The following EPHA6 variants were observed in gnomAD, a reference collection of about 807,000 sequenced individuals.
EPHA6 encodes EPH receptor A6.
EPHA6 carries 50 observed loss-of-function variants against 112.0 expected under a neutral mutation model. That is an observed-to-expected ratio of 0.45 (90% CI 0.36 to 0.56). The LOEUF (loss-of-function observed/expected upper bound fraction) is 0.56. Ranked by LOEUF, EPHA6 falls within the 20% of genes least tolerant of loss-of-function variation. EPHA6 has a pLI of 0.00. For missense variants in EPHA6, 1,280 were observed against 1,417.4 expected (o/e 0.90, Z 1.56); for synonymous variants, 529 against 490.7 (o/e 1.08, Z -1.03).
intron 3 of EPHA6, among the ~76,000 whole-genome samples, chr3:97,031,742 A>G (rs2044854533): frequency 1.3e-5 from 2 of 152,170 alleles, no homozygotes; most frequent in African/African-American, 4.8e-5. Flanking sequence ...CAAAACCACA[A>G]TGAGATACCA....
At position 97,285,309 on chromosome 3, in the gene EPHA6, A is replaced by T. The variant is rs146781630; in HGVS notation, c.1606+41022A>T. On this transcript the variant is annotated intron_variant, in intron 5 of 17. Coordinates refer to ENST00000389672, the MANE Select transcript of EPHA6 (RefSeq NM_001080448.3). ...GCAATGTGATAAATGTAACTATCAA[A>T]TATTAGAACTTAATCCTTCTATTTG... Among the ~76,000 whole-genome samples, 346 of 152,238 alleles carry T rather than the reference A, an allele frequency of 2.3e-3. 2 individuals carry two copies. Among genetic ancestry groups the T allele is most frequent in the African/African-American group, 7.8e-3 (324 of 41,568 alleles).
At chr3:97,297,453 G>A (rs906274686) in intron 5 of EPHA6, among the ~76,000 whole-genome samples, 1 of 152,102 alleles carries the variant, frequency 6.6e-6, no homozygotes, top group Non-Finnish European at 1.5e-5. Flanking sequence ...ATTTTTAGGT[G>A]AATCTCTTCT....
intron 14 of EPHA6, among the ~76,000 whole-genome samples, chr3:97,708,286 T>C (rs1471884546): frequency 1.3e-5 from 2 of 152,218 alleles, no homozygotes; most frequent in East Asian, 3.8e-4. Flanking sequence ...TGCTATGTTT[T>C]AGCAAAGAGA....
intron 2 of EPHA6, among the ~76,000 whole-genome samples, chr3:96,950,703 G>C (rs1384837835): frequency 1.3e-5 from 2 of 151,934 alleles, no homozygotes; most frequent in Non-Finnish European, 2.9e-5. Flanking sequence ...TTTGAGTGTT[G>C]CTATTGTAGT....
At chr3:97,622,677 G>C (rs1018253223) in intron 13 of EPHA6, among the ~76,000 whole-genome samples, 16 of 151,746 alleles carry the variant, frequency 1.1e-4, no homozygotes, top group African/African-American at 3.6e-4. Flanking sequence ...GTTTTCTATA[G>C]TGGCTATGTC....
intron 11 of EPHA6, among the ~76,000 whole-genome samples, chr3:97,546,220 G>A (rs1156422005): frequency 1.3e-5 from 2 of 152,202 alleles, no homozygotes; most frequent in African/African-American, 2.4e-5. Context: ...TCCTTTCCAT[G>A]TTTAGTGCTT....
At chr3:97,550,401 T>TG (rs1448103530) in intron 11 of EPHA6, among the ~76,000 whole-genome samples, 4 of 152,248 alleles carry the variant, frequency 2.6e-5, no homozygotes, top group Non-Finnish European at 5.9e-5. Flanking sequence ...TTGTTGATAA[T>TG]GCTCCCACAC....
intron 14 of EPHA6, among the ~76,000 whole-genome samples, chr3:97,647,850 T>C (rs1464544024): frequency 1.3e-5 from 2 of 152,116 alleles, no homozygotes; most frequent in South Asian, 2.1e-4. Context: ...TAAACTTACA[T>C]TGAAAATGCT....
chr3:97,473,919 T>C (rs541237004), intron 7 of EPHA6, among the ~76,000 whole-genome samples: 1 of 152,020 alleles, frequency 6.6e-6, no homozygotes, highest in East Asian at 1.9e-4. Flanking sequence ...GATTAAATCA[T>C]AGTGACTAAG....
chr3:97,457,634 T>G (rs999421117), intron 7 of EPHA6, among the ~76,000 whole-genome samples: 2 of 152,218 alleles, frequency 1.3e-5, no homozygotes, highest in Non-Finnish European at 2.9e-5. Flanking sequence ...TTATCTAATG[T>G]AACATCTTCT....
At chr3:96,830,676 G>A (rs2034008528) in intron 1 of EPHA6, among the ~76,000 whole-genome samples, 1 of 151,804 alleles carries the variant, frequency 6.6e-6, no homozygotes, top group African/African-American at 2.4e-5. Flanking sequence ...TTATCTTTAA[G>A]TCTTGAAAAT....
Position 96,823,859 on chromosome 3 carries a change from A to G in EPHA6, c.385+8851A>G, listed in dbSNP as rs185493780. The stretch of plus-strand genomic sequence containing the variant: ...AGAAAGAGATCTTCATTTTCATCTG[A>G]AAAAGAAACAGAACAACTTTGGAAA... On this transcript the variant is annotated intron_variant, in intron 1 of 17. Transcript: ENST00000389672. Among the ~76,000 whole-genome samples the G allele has an allele frequency of 3.3e-5, 5 of 151,948 alleles. No individual in the cohort carries two copies. The East Asian group carries it at 9.7e-4, about 29-fold the overall frequency.
intron 14 of EPHA6, among the ~76,000 whole-genome samples, chr3:97,669,769 T>C (rs1489983873): frequency 6.6e-6 from 1 of 152,208 alleles, no homozygotes; most frequent in Non-Finnish European, 1.5e-5. Context: ...TTGTTCAGGT[T>C]AGTTGTATTT....
At chr3:97,237,872 C>A (rs1278188904) in intron 4 of EPHA6, among the ~76,000 whole-genome samples, 1 of 151,830 alleles carries the variant, frequency 6.6e-6, no homozygotes, top group Non-Finnish European at 1.5e-5. Flanking sequence ...ATGTTTAACT[C>A]AAAAAATCTA....
intron 3 of EPHA6, among the ~76,000 whole-genome samples, chr3:96,993,298 CTT>C (rs534627735): frequency 1.8e-4 from 25 of 141,056 alleles, no homozygotes; most frequent in Admixed American, 2.1e-4. Flanking sequence ...ATCCCCCATT[CTT>C]TTTTTTTTTT....
intron 2 of EPHA6, among the ~76,000 whole-genome samples, chr3:96,985,126 C>T (rs1036281451): frequency 1.4e-4 from 21 of 152,112 alleles, no homozygotes; most frequent in African/African-American, 4.6e-4. Context: ...AGAAATCACC[C>T]GTCTTCTGTG....
chr3:97,642,540 GA>G (rs1378740614), intron 14 of EPHA6, among the ~76,000 whole-genome samples: 1 of 148,726 alleles, frequency 6.7e-6, no homozygotes, highest in African/African-American at 2.5e-5. Context: ...TGAAAACTTT[GA>G]AAAAAATTTA....
chr3:97,674,874 T>A (rs2031211202), intron 14 of EPHA6, among the ~76,000 whole-genome samples: 1 of 152,188 alleles, frequency 6.6e-6, no homozygotes, highest in Non-Finnish European at 1.5e-5. Context: ...TTTGACTTAC[T>A]TCATCGGGAA....
In EPHA6 at chr3:97,072,335, G is replaced by T. The variant is rs994953814; in HGVS notation, c.1114+84342G>T. Among the ~76,000 whole-genome samples, 3 of 152,134 alleles carry T rather than the reference G, an allele frequency of 2.0e-5. No individual in the cohort carries two copies. The East Asian group carries it at 5.8e-4, about 29-fold the overall frequency. On this transcript the variant is annotated intron_variant, in intron 3 of 17. Transcript: ENST00000389672. Reference sequence around the variant, plus strand: ...GGTTCTTAAGGTGGACCCCAATCCCGTATGACTGGTGTCCTTATGAAAGAG... The same window carrying T: ...GGTTCTTAAGGTGGACCCCAATCCCTTATGACTGGTGTCCTTATGAAAGAG...
Sources: allele counts gnomAD v4.1 joint callset (sites outside exome capture counted in the v4.1 genomes callset), GRCh38; gene constraint gnomAD v4.1.1; transcripts MANE v1.5; gene names NCBI Gene and HGNC (gene_info 2026-07-23, HGNC 2026-07-21).